The following GJA5 variants were observed in gnomAD, a reference collection of about 807,000 sequenced individuals.
GJA5 encodes gap junction alpha-5 protein.
A neutral mutation model predicts 7.9 loss-of-function variants in GJA5; 3 were observed. The observed-to-expected ratio is 0.38, with a 90% CI of 0.17 to 0.99. GJA5 has a LOEUF of 0.99. Among genes scored for constraint, GJA5 ranks in the 50% least tolerant of loss-of-function variants. The pLI, the probability that GJA5 is intolerant of heterozygous loss-of-function variation, is 0.38. For synonymous variants in GJA5, 193 were observed against 181.0 expected (o/e 1.07, Z -0.53); for missense variants, 390 against 457.9 (o/e 0.85, Z 1.35).
At chr1:147,759,363 A>G (rs1663898217) in intron 1 of GJA5, 92 bp from the exon 2 acceptor site, 1 of 755,510 alleles carries the variant, frequency 1.3e-6, no homozygotes, top group African/African-American at 1.7e-5. Flanking sequence ...CCACTGATCC[A>G]TCCATCCAAT....
chr1:147,770,347 T>A (rs1553228868), intron 1 of GJA5, among the ~76,000 whole-genome samples: 1 of 152,072 alleles, frequency 6.6e-6, no homozygotes, highest in East Asian at 1.9e-4. Flanking sequence ...CTTGCCCAGT[T>A]GTGATAGCAT....
rs1482027192 is a variant in GJA5, at chr1:147,759,041, G to A, written c.198C>T (p.Tyr66=). Residue 66 remains tyrosine (Y), a synonymous_variant, in exon 2 of 2, where the codon TAC becomes TAT. Coordinates refer to ENST00000579774, the MANE Select transcript of GJA5 (RefSeq NM_181703.4). ...TGTGGGAGATGGGGAAAGCCTGGTCGTAGCAGACATTCTGGCAGCCAGGCT... is the reference window on the plus strand; with the variant it reads ...TGTGGGAGATGGGGAAAGCCTGGTCATAGCAGACATTCTGGCAGCCAGGCT... ...TIQPGCQNVC[Y]DQAFPISHIR... 5 of 1,613,940 alleles carry A rather than the reference G, an allele frequency of 3.1e-6. No homozygotes were observed. Among genetic ancestry groups the A allele is most frequent in the Non-Finnish European group, 4.2e-6 (5 of 1,179,944 alleles).
At chr1:147,772,727 C>CAT (rs1178796504) in intron 1 of GJA5, among the ~76,000 whole-genome samples, 5 of 137,432 alleles carry the variant, frequency 3.6e-5, no homozygotes, top group African/African-American at 1.4e-4. Context: ...ACAGCGGGGA[C>CAT]ATGATACTCT....
intron 1 of GJA5, among the ~76,000 whole-genome samples, chr1:147,769,110 A>C (rs1664310613): frequency 1.3e-5 from 2 of 152,180 alleles, no homozygotes; most frequent in African/African-American, 2.4e-5. Flanking sequence ...TAATTATTAC[A>C]TTGGGGCCCT....
chr1:147,767,065 A>G (rs587733495), intron 1 of GJA5, among the ~76,000 whole-genome samples: 1 of 152,324 alleles, frequency 6.6e-6, no homozygotes, highest in East Asian at 1.9e-4. Context: ...TTTGTACCTT[A>G]TTAATTTGTG....
chr1:147,761,780 G>A (rs777126468), upstream of GJA5, among the ~76,000 whole-genome samples: 23 of 152,164 alleles, frequency 1.5e-4, no homozygotes, highest in Non-Finnish European at 2.4e-4. Context: ...AGCCACACAC[G>A]TGCAGTGACT....
At chr1:147,765,679 A>G (rs1473707673) in intron 1 of GJA5, among the ~76,000 whole-genome samples, 1 of 152,206 alleles carries the variant, frequency 6.6e-6, no homozygotes, top group Non-Finnish European at 1.5e-5. Context: ...CAGATTGTGG[A>G]GGGCTTTAAC....
upstream of GJA5, among the ~76,000 whole-genome samples, chr1:147,761,911 G>T (rs1553227495): frequency 6.6e-6 from 1 of 152,200 alleles, no homozygotes; most frequent in African/African-American, 2.4e-5. Flanking sequence ...GTAGGGTTAA[G>T]AAAAGACAGA....
At chr1:147,772,533 C>T (rs1021017189) in intron 1 of GJA5, among the ~76,000 whole-genome samples, 2 of 152,192 alleles carry the variant, frequency 1.3e-5, no homozygotes, top group Non-Finnish European at 2.9e-5. Flanking sequence ...TCTTTCACTG[C>T]ATGCTCAGAA....
Position 147,758,072 on chromosome 1 carries a change from A to C in GJA5, c.*90T>G. ...CTCAAAGGAGCCAAGCAGTGATGAC[A>C]GTGAGAAAGCATCAGTTCAGAAGGG... On this transcript the variant is annotated 3_prime_UTR_variant, in exon 2 of 2. Transcript: ENST00000579774. 1 of 911,768 alleles carries C rather than the reference A, an allele frequency of 1.1e-6. No individual in the cohort carries two copies. Among genetic ancestry groups the C allele is most frequent in the Non-Finnish European group, 1.8e-6 (1 of 543,540 alleles). The allele number at this position is 911,768 out of a possible 1,614,324, so 56.5% of individuals were successfully genotyped here. A position where few individuals can be genotyped will look rare whatever the true frequency, so the allele number is the denominator to read the frequency against.
In GJA5 at chr1:147,758,030, G is replaced by T. The variant is rs151235613; in HGVS notation, c.*132C>A. 4 of 735,616 alleles carry T rather than the reference G, an allele frequency of 5.4e-6. No individual in the cohort carries two copies. Among genetic ancestry groups the T allele is most frequent in the Admixed American group, 2.0e-5 (1 of 49,556 alleles). 45.6% of individuals were successfully genotyped at this position (735,616 alleles called of 1,614,324 possible). ...ATAGTTTCTAGAATTAATGAGCAAC[G>T]TCATTGAGACCCGGGGCTCAAAGGA... On this transcript the variant is annotated 3_prime_UTR_variant, in exon 2 of 2. Coordinates refer to ENST00000579774, the MANE Select transcript of GJA5 (RefSeq NM_181703.4).
chr1:147,762,169 A>G (rs1014906514), upstream of GJA5, among the ~76,000 whole-genome samples: 1 of 152,220 alleles, frequency 6.6e-6, no homozygotes, highest in Non-Finnish European at 1.5e-5. Flanking sequence ...GGAGGGAAAA[A>G]GAGAAAGCAG....
intron 1 of GJA5, among the ~76,000 whole-genome samples, chr1:147,766,343 C>T (rs1664201327): frequency 6.6e-6 from 1 of 152,168 alleles, no homozygotes; most frequent in South Asian, 2.1e-4. Context: ...ATTTAGGTCT[C>T]TCAAAACACC....
chr1:147,758,499 T>G lies in GJA5; in HGVS notation c.740A>C (p.Lys247Thr). Reference protein sequence around the residue: ...RFVKPRQHMAKCQLSGPSVGI... With the variant: ...RFVKPRQHMATCQLSGPSVGI... ...CACAGAGGGGCCAGAAAGCTGGCAC[T>G]TAGCCATGTGCTGCCGCGGTTTGAC... is the stretch of plus-strand genomic sequence containing the variant. Residue 247 changes from lysine to threonine, a missense_variant, in exon 2 of 2, where the codon AAG becomes ACG. Physicochemically the swap from Lys to Thr is moderately conservative, Grantham distance 78. This residue lies in a region of GJA5 where 354 missense variants were observed against 370.9 expected (regional missense o/e 0.95). Coordinates refer to ENST00000579774, the MANE Select transcript of GJA5 (RefSeq NM_181703.4). 6.2e-7 allele frequency: 1 copy of G among 1,614,210 alleles called. No individual in the cohort carries two copies. Among genetic ancestry groups the G allele is most frequent in the South Asian group, 1.1e-5 (1 of 91,080 alleles).
At chr1:147,765,154 C>T (rs587719505), upstream of GJA5, among the ~76,000 whole-genome samples, 1 of 152,178 alleles carries the variant, frequency 6.6e-6, no homozygotes, top group East Asian at 1.9e-4. Context: ...TCTACATTCT[C>T]TTGTTGGTTC....
intron 1 of GJA5, among the ~76,000 whole-genome samples, chr1:147,773,065 G>T (rs1323879939): frequency 6.6e-6 from 1 of 152,086 alleles, no homozygotes; most frequent in Admixed American, 6.6e-5. Flanking sequence ...CTGCTGCTTC[G>T]CTAAACCTTC....
chr1:147,758,838 G>A lies in GJA5; in HGVS notation c.401C>T (p.Ser134Phe). 11 of 1,614,198 alleles carry A rather than the reference G, an allele frequency of 6.8e-6. No individual in the cohort carries two copies. The highest frequency in any genetic ancestry group is 8.5e-6 in the Non-Finnish European group (10 of 1,180,028). ...CCTTCCATTCCCTTCCTCCCAGCAG[G>A]ACAGTTCTGCCTTCTCTGCCACCGG... ...EYPVAEKAEL[S>F]CWEEGNGRIA... The change falls in exon 2 of 2, where the codon TCC becomes TTC. Residue 134 changes from serine to phenylalanine, a missense_variant. By Grantham distance (155) the Ser-to-Phe change is radical (BLOSUM62 -2). Transcript: ENST00000579774.
chr1:147,761,518 G>A (rs1664016668), upstream of GJA5, among the ~76,000 whole-genome samples: 1 of 152,186 alleles, frequency 6.6e-6, no homozygotes. Context: ...GGGAGTTCCT[G>A]AGTGAGCGGA....
upstream of GJA5, among the ~76,000 whole-genome samples, chr1:147,765,380 T>G (rs1345505580): frequency 6.6e-6 from 1 of 152,216 alleles, no homozygotes; most frequent in Non-Finnish European, 1.5e-5. Context: ...AGAGTTTCTG[T>G]TCAAGTCTGG....
Sources: allele counts gnomAD v4.1 joint callset (sites outside exome capture counted in the v4.1 genomes callset), GRCh38; gene constraint gnomAD v4.1.1; regional missense constraint gnomAD v4.1.1; transcripts MANE v1.5; gene names NCBI Gene and HGNC (gene_info 2026-07-23, HGNC 2026-07-21).